The following ZNF709 variants were observed in gnomAD, a reference collection of about 807,000 sequenced individuals.
ZNF709 encodes zinc finger protein 709.
A neutral mutation model predicts 10.6 loss-of-function variants in ZNF709; 15 were observed. That is an observed-to-expected ratio of 1.41 (90% CI 0.95 to 2.18). The LOEUF (loss-of-function observed/expected upper bound fraction) is 2.18. Ranked by LOEUF, ZNF709 falls within the 30% of genes most tolerant of loss-of-function variation. The probability of loss-of-function intolerance (pLI) is 0.00; values close to 1 mark genes in which losing one functional copy is unlikely to be tolerated. For synonymous variants in ZNF709, 194 were observed against 238.8 expected (o/e 0.81, Z 1.73); for missense variants, 589 against 774.0 (o/e 0.76, Z 2.84).
chr19:12,464,861 T>G lies in ZNF709; in HGVS notation c.1061A>C (p.His354Pro). 6.2e-7 allele frequency: 1 copy of G among 1,614,106 alleles called. No individual in the cohort carries two copies. The highest frequency in any genetic ancestry group is 8.5e-7 in the Non-Finnish European group (1 of 1,179,978). Residue 354 changes from histidine (H) to proline (P), a missense_variant, in exon 4 of 4, where the codon CAT becomes CCT. Physicochemically the swap from His to Pro is moderately conservative, Grantham distance 77. Transcript: ENST00000397732. ...AFISLPSYRR[H>P]MIMHTGNGPY... Reference sequence around the variant, plus strand: ...TCCATTTCCAGTGTGCATTATCATATGTCTTCGATAGCTTGGAAGAGAAAT... The same window carrying G: ...TCCATTTCCAGTGTGCATTATCATAGGTCTTCGATAGCTTGGAAGAGAAAT...
At position 12,484,715 on chromosome 19, in the gene ZNF709, T is replaced by G. The variant is rs192969404; in HGVS notation, c.-58A>C. The G allele has an allele frequency of 2.8e-5, 45 of 1,613,154 alleles. 1 individual carries two copies. In the African/African-American group the frequency reaches 3.7e-4, roughly 13 times the overall value. ...TTACCTCTCCCGCGGCCAGCACAGGTCCTACCTCCACCTGAGGCCCTTCCT... is the reference window on the plus strand; with the variant it reads ...TTACCTCTCCCGCGGCCAGCACAGGGCCTACCTCCACCTGAGGCCCTTCCT... On this transcript the variant is annotated 5_prime_UTR_variant, in exon 1 of 4. Transcript: ENST00000397732.
Position 12,465,226 on chromosome 19 carries a change from CG to C in ZNF709, c.695del (p.Thr232SerfsTer124). On this transcript the variant is annotated frameshift_variant, in exon 4 of 4. Coordinates refer to ENST00000397732, the MANE Select transcript of ZNF709 (RefSeq NM_152601.4). LOFTEE classifies it low-confidence loss of function (END_TRUNC). ...TTCGAAAAGAACTGGGATGACTGAA[CG>C]TTTTCCCGCATTCTTTACATTTATA... is the stretch of plus-strand genomic sequence containing the variant. ...KPYKCKECGK[T>X]FSHPSSFRNH... 1 of 1,612,418 alleles carries C rather than the reference CG, an allele frequency of 6.2e-7. No individual in the cohort carries two copies. Among genetic ancestry groups the C allele is most frequent in the Non-Finnish European group, 8.5e-7 (1 of 1,179,022 alleles).
rs1457141169 is a variant in ZNF709, at chr19:12,484,720, C to T, written c.-63G>A. 6.2e-7 allele frequency: 1 copy of T among 1,612,282 alleles called. No homozygotes were observed. The highest frequency in any genetic ancestry group is 1.7e-5 in the Admixed American group (1 of 59,966). Reference sequence around the variant, plus strand: ...TCTCCCGCGGCCAGCACAGGTCCTACCTCCACCTGAGGCCCTTCCTCCACC... The same window carrying T: ...TCTCCCGCGGCCAGCACAGGTCCTATCTCCACCTGAGGCCCTTCCTCCACC... On this transcript the variant is annotated 5_prime_UTR_variant, in exon 1 of 4. Coordinates refer to ENST00000397732, the MANE Select transcript of ZNF709 (RefSeq NM_152601.4).
chr19:12,464,161 G>T lies in ZNF709; in HGVS notation c.1761C>A (p.Pro587=). Residue 587 remains proline (P), a synonymous_variant, in exon 4 of 4, where the codon CCC becomes CCA. Transcript: ENST00000397732. Reference sequence around the variant, plus strand: ...CTTTGTCACATTGTTTACATTCATAGGGTTTCACTCCAGTGTGAGTCCTTT... The same window carrying T: ...CTTTGTCACATTGTTTACATTCATATGGTTTCACTCCAGTGTGAGTCCTTT... ...MHERTHTGVK[P]YECKQCDKAF... is the part of the protein sequence containing the mutation. 1 of 1,572,624 alleles carries T rather than the reference G, an allele frequency of 6.4e-7. No individual in the cohort carries two copies. The highest frequency in any genetic ancestry group is 1.2e-5 in the South Asian group (1 of 82,774).
rs752352311 is a variant in ZNF709 at position 12,464,567 on chromosome 19, T to A, written c.1355A>T (p.Gln452Leu). The A allele has an allele frequency of 1.2e-5, 20 of 1,612,642 alleles. No individual in the cohort carries two copies. The highest frequency in any genetic ancestry group is 1.6e-5 in the Non-Finnish European group (19 of 1,179,420). Residue 452 changes from glutamine (Q) to leucine (L), a missense_variant, in exon 4 of 4, where the codon CAG (glutamine) becomes CTG (leucine). Physicochemically the swap from Gln to Leu is moderately radical, Grantham distance 113. Transcript: ENST00000397732. ...HTGEKPYECK[Q>L]CGKAFSCSSS... is the part of the protein sequence containing the mutation. The stretch of plus-strand genomic sequence containing the variant: ...GGAACAACTGAAGGCTTTACCACAC[T>A]GTTTACATTCATAGGGTTTCTCTCC...
In ZNF709 at chr19:12,484,645, G is replaced by T; in HGVS notation, c.3+10C>A. 6.2e-7 allele frequency: 1 copy of T among 1,612,772 alleles called. No homozygotes were observed. The highest frequency in any genetic ancestry group is 8.5e-7 in the Non-Finnish European group (1 of 1,179,244). On this transcript the variant is annotated intron_variant, in intron 1 of 3. Coordinates refer to ENST00000397732, the MANE Select transcript of ZNF709 (RefSeq NM_152601.4). ...CTCCCATCTCAAGACCCCCAGCCCC[G>T]CACACTTACCATTTCCCAGACTCTG...
rs905645891 is a variant in ZNF709, at chr19:12,480,537, T to C, written c.3+4118A>G. Among the ~76,000 whole-genome samples, 23 of 151,840 alleles carry C rather than the reference T, an allele frequency of 1.5e-4. No homozygotes were observed. The East Asian group carries it at 1.8e-3, about 12-fold the overall frequency. On this transcript the variant is annotated intron_variant, in intron 1 of 3. Coordinates refer to ENST00000397732, the MANE Select transcript of ZNF709 (RefSeq NM_152601.4). ...TCTCTACTAAAAATACAAAAAATTA[T>C]CCGGGCGTGGTGGCGAGCGCCTGTA...
rs1970528982 is a variant in ZNF709, at chr19:12,462,831, C to G, written c.*1165G>C. 6.6e-6 allele frequency: 1 copy of G among 152,092 alleles called. No homozygotes were observed. Among genetic ancestry groups the G allele is most frequent in the African/African-American group, 2.4e-5 (1 of 41,406 alleles). 9.4% of individuals were successfully genotyped at this position (152,092 alleles called of 1,614,324 possible). A position where few individuals can be genotyped will look rare whatever the true frequency, so the allele number is the denominator to read the frequency against. Reference sequence around the variant, plus strand: ...AATACACTTCAATTCACTCATGAATCTAACAGACTTCAATATGGAAAGACA... The same window carrying G: ...AATACACTTCAATTCACTCATGAATGTAACAGACTTCAATATGGAAAGACA... On this transcript the variant is annotated 3_prime_UTR_variant, in exon 4 of 4. Transcript: ENST00000397732.
At chr19:12,469,768 C>CA (rs1970619839) in intron 1 of ZNF709, among the ~76,000 whole-genome samples, 2 of 151,864 alleles carry the variant, frequency 1.3e-5, no homozygotes, top group East Asian at 1.9e-4. Context: ...GACTCTGTCT[C>CA]AAAAAAATAA....
intron 1 of ZNF709, among the ~76,000 whole-genome samples, chr19:12,477,351 G>T (rs1304064038): frequency 6.6e-6 from 1 of 152,110 alleles, no homozygotes; most frequent in Non-Finnish European, 1.5e-5. Context: ...GTTCCACAGG[G>T]TCTCATTCTG....
rs1303060978 is a variant in ZNF709, at chr19:12,461,942, G to A, written c.*2054C>T. On this transcript the variant is annotated 3_prime_UTR_variant, in exon 4 of 4. Transcript: ENST00000397732. ...AAAAATTTAGCTGGGCTTGGTGGTG[G>A]GCACCTATAATCCCAGCTACTTGGG... is the stretch of plus-strand genomic sequence containing the variant. 1 of 152,106 alleles carries A rather than the reference G, an allele frequency of 6.6e-6. No individual in the cohort carries two copies. The highest frequency in any genetic ancestry group is 2.4e-5 in the African/African-American group (1 of 41,366). The allele number at this position is 152,106 out of a possible 1,614,324, so 9.4% of individuals were successfully genotyped here. A position where few individuals can be genotyped will look rare whatever the true frequency, so the allele number is the denominator to read the frequency against.
intron 1 of ZNF709, among the ~76,000 whole-genome samples, chr19:12,476,237 C>T (rs770065078): frequency 6.6e-6 from 1 of 151,840 alleles, no homozygotes; most frequent in African/African-American, 2.4e-5. Flanking sequence ...ACAAAAAATA[C>T]AAAAATTAGC....
At chr19:12,484,517 C>A in intron 1 of ZNF709, 138 bp downstream of exon 1, 1 of 1,194,132 alleles carries the variant, frequency 8.4e-7, no homozygotes, top group East Asian at 2.6e-5. Context: ...GACCGAGGGC[C>A]GAGCTGCGCC....
In ZNF709 at chr19:12,465,389, C is replaced by A. The variant is rs1157554503; in HGVS notation, c.533G>T (p.Ser178Ile). Reference sequence around the variant, plus strand: ...ATGTATTTGAAAGGAACTGGGCCAACTGAAAGCCTTACCACACTGTTTACA... The same window carrying A: ...ATGTATTTGAAAGGAACTGGGCCAAATGAAAGCCTTACCACACTGTTTACA... ...YKCKQCGKAF[S>I]WPSSFQIHER... is the part of the protein sequence containing the mutation. The change falls in exon 4 of 4, where the codon AGT (serine) becomes ATT (isoleucine). Residue 178 changes from serine to isoleucine, a missense_variant. This residue lies in a region of ZNF709 where 418 missense variants were observed against 496.3 expected (regional missense o/e 0.84). Transcript: ENST00000397732. 4.3e-6 allele frequency: 7 copies of A among 1,613,842 alleles called. No homozygotes were observed. Among genetic ancestry groups the A allele is most frequent in the Non-Finnish European group, 5.1e-6 (6 of 1,179,950 alleles).
At chr19:12,469,827 C>G (rs1419052281) in intron 1 of ZNF709, among the ~76,000 whole-genome samples, 1 of 152,068 alleles carries the variant, frequency 6.6e-6, no homozygotes, top group Non-Finnish European at 1.5e-5. Flanking sequence ...AGGACTGCGA[C>G]CACTGTTAGC....
chr19:12,479,001 T>C (rs192622148), intron 1 of ZNF709, among the ~76,000 whole-genome samples: 2 of 152,296 alleles, frequency 1.3e-5, no homozygotes, highest in East Asian at 3.9e-4. Flanking sequence ...ACTGACAGTA[T>C]GCTTAAGAAA....
intron 2 of ZNF709, 41 bp downstream of exon 2, chr19:12,466,683 G>A: frequency 6.2e-7 from 1 of 1,613,478 alleles, no homozygotes. Context: ...AGAAACACTT[G>A]TTCTCTAATT....
intron 1 of ZNF709, chr19:12,481,168 T>C (rs1970723665): frequency 2.0e-6 from 2 of 984,502 alleles, no homozygotes; most frequent in Admixed American, 6.2e-5. Flanking sequence ...TGTAAATACA[T>C]TCATCTCTTA....
At position 12,484,705 on chromosome 19, in the gene ZNF709, C is replaced by A; in HGVS notation, c.-48G>T. ...GGTGTTCTGTTTACCTCTCCCGCGGCCAGCACAGGTCCTACCTCCACCTGA... is the reference window on the plus strand; with the variant it reads ...GGTGTTCTGTTTACCTCTCCCGCGGACAGCACAGGTCCTACCTCCACCTGA... On this transcript the variant is annotated 5_prime_UTR_variant, in exon 1 of 4. Coordinates refer to ENST00000397732, the MANE Select transcript of ZNF709 (RefSeq NM_152601.4). 1.2e-6 allele frequency: 2 copies of A among 1,613,894 alleles called. No individual in the cohort carries two copies. The highest frequency in any genetic ancestry group is 1.7e-6 in the Non-Finnish European group (2 of 1,179,834).
Sources: allele counts gnomAD v4.1 joint callset (sites outside exome capture counted in the v4.1 genomes callset), GRCh38; gene constraint gnomAD v4.1.1; regional missense constraint gnomAD v4.1.1; transcripts MANE v1.5; gene names NCBI Gene and HGNC (gene_info 2026-07-23, HGNC 2026-07-21).